Variants in ZNF93 observed in about 807,000 individuals in gnomAD.
ZNF93 encodes the protein zinc finger protein 505.
ZNF93 carries 29 observed loss-of-function variants against 45.0 expected under a neutral mutation model. The observed-to-expected ratio is 0.64, with a 90% CI of 0.48 to 0.88. The LOEUF (loss-of-function observed/expected upper bound fraction) is 0.88. Ranked by LOEUF, ZNF93 falls within the 40% of genes least tolerant of loss-of-function variation. The pLI, the probability that ZNF93 is intolerant of heterozygous loss-of-function variation, is 0.00. For missense variants in ZNF93, 578 were observed against 724.0 expected (o/e 0.80, Z 2.31); for synonymous variants, 223 against 244.6 (o/e 0.91, Z 0.82).
At chr19:19,920,650 A>G (rs1385695450) in intron 3 of ZNF93, among the ~76,000 whole-genome samples, 1 of 152,146 alleles carries the variant, frequency 6.6e-6, no homozygotes, top group Non-Finnish European at 1.5e-5. Flanking sequence ...CAGAGATTCA[A>G]GTTCTTCCTG....
At chr19:19,905,405 T>G (rs2063289670) in intron 1 of ZNF93, among the ~76,000 whole-genome samples, 1 of 152,222 alleles carries the variant, frequency 6.6e-6, no homozygotes, top group African/African-American at 2.4e-5. Flanking sequence ...TCTGTTGTTT[T>G]TCTCTTTGTG....
chr19:19,901,132 C>G, intron 1 of ZNF93, 41 bp downstream of exon 1: 1 of 1,613,038 alleles, frequency 6.2e-7, no homozygotes, highest in Non-Finnish European at 8.5e-7. Context: ...CGGGGAGGGG[C>G]TGGTTGGAAC....
chr19:19,905,707 C>T (rs1416071836), intron 1 of ZNF93, among the ~76,000 whole-genome samples: 2 of 152,118 alleles, frequency 1.3e-5, no homozygotes, highest in African/African-American at 4.8e-5. Context: ...TCTCTCCTAC[C>T]TCATCCTCCC....
chr19:19,910,067 T>C (rs8108528), intron 1 of ZNF93, among the ~76,000 whole-genome samples: 66,289 of 152,102 alleles, frequency 0.44, 19,394 homozygotes, highest in African/African-American at 0.82. Flanking sequence ...AACATGTGTG[T>C]GCTGAGTAGA....
chr19:19,933,099 G>A, intron 3 of ZNF93, 83 bp from the exon 4 acceptor site: 1 of 1,075,806 alleles, frequency 9.3e-7, no homozygotes, highest in Admixed American at 3.1e-5. Flanking sequence ...TATGTAGTTT[G>A]TATAATTTTA....
rs1332227867 is a variant in ZNF93 at position 19,915,420 on chromosome 19, T to G, written c.130+14T>G. The G allele has an allele frequency of 1.9e-6, 3 of 1,609,582 alleles. No individual in the cohort carries two copies. Among genetic ancestry groups the G allele is most frequent in the Non-Finnish European group, 2.5e-6 (3 of 1,178,556 alleles). On this transcript the variant is annotated intron_variant, in intron 2 of 3. Transcript: ENST00000343769. ...TGGTCTTCCTTGGTGAGGATAACTTTAATACATAATTCATAATACACCCTA... is the reference window on the plus strand; with the variant it reads ...TGGTCTTCCTTGGTGAGGATAACTTGAATACATAATTCATAATACACCCTA...
chr19:19,922,623 G>T (rs1599571075), intron 3 of ZNF93, among the ~76,000 whole-genome samples: 1 of 152,146 alleles, frequency 6.6e-6, no homozygotes, highest in African/African-American at 2.4e-5. Context: ...ATTTCTTGGA[G>T]GCTTTGTTCA....
intron 1 of ZNF93, among the ~76,000 whole-genome samples, chr19:19,910,865 C>G (rs2063305781): frequency 6.6e-6 from 1 of 152,044 alleles, no homozygotes. Context: ...AGAAAATGAA[C>G]AAAAGTCATT....
At chr19:19,913,218 T>A (rs914138547) in intron 1 of ZNF93, among the ~76,000 whole-genome samples, 1 of 152,208 alleles carries the variant, frequency 6.6e-6, no homozygotes, top group Non-Finnish European at 1.5e-5. Context: ...GCGGCCACAA[T>A]TATCAAGTGA....
At chr19:19,913,493 G>A (rs2063315331) in intron 1 of ZNF93, among the ~76,000 whole-genome samples, 1 of 152,072 alleles carries the variant, frequency 6.6e-6, no homozygotes, top group Non-Finnish European at 1.5e-5. Context: ...TGGTCACAGG[G>A]CCTATTCTAT....
intron 2 of ZNF93, 41 bp from the exon 3 acceptor site, chr19:19,916,519 A>G: frequency 6.5e-7 from 1 of 1,528,452 alleles, no homozygotes. Context: ...GTAATTGGAG[A>G]ATATGAGCAA....
At chr19:19,931,996 G>A (rs1387264531) in intron 3 of ZNF93, 1 of 383,688 alleles carries the variant, frequency 2.6e-6, no homozygotes, top group Non-Finnish European at 5.1e-6. Context: ...ATTTTATATG[G>A]TGTATCTACA....
intron 1 of ZNF93, among the ~76,000 whole-genome samples, chr19:19,903,037 C>A (rs916141222): frequency 6.6e-6 from 1 of 152,096 alleles, no homozygotes; most frequent in Admixed American, 6.5e-5. Context: ...CCGCGCCCGG[C>A]CTTTGGGAGG....
At chr19:19,903,060 A>T (rs1023133637) in intron 1 of ZNF93, among the ~76,000 whole-genome samples, 1 of 152,200 alleles carries the variant, frequency 6.6e-6, no homozygotes, top group Non-Finnish European at 1.5e-5. Context: ...CTTACTGACG[A>T]TGAAGTTGTT....
At chr19:19,902,703 C>T (rs1473278256) in intron 1 of ZNF93, among the ~76,000 whole-genome samples, 1 of 150,716 alleles carries the variant, frequency 6.6e-6, no homozygotes, top group African/African-American at 2.4e-5. Context: ...CAAGCAGATG[C>T]AGTTAAGGTT....
chr19:19,933,991 T>A lies in ZNF93; in HGVS notation c.1036T>A (p.Cys346Ser). Residue 346 changes from cysteine to serine, a missense_variant, in exon 4 of 4, where the codon TGT (cysteine) becomes AGT (serine). Coordinates refer to ENST00000343769, the MANE Select transcript of ZNF93 (RefSeq NM_031218.4). The part of the protein sequence containing the change: ...TGEKPYKCNK[C>S]GKAFIASSTL... ...AGAGAAACCATACAAGTGTAATAAA[T>A]GTGGCAAAGCCTTTATTGCATCCTC... 6.2e-7 allele frequency: 1 copy of A among 1,612,774 alleles called. No individual in the cohort carries two copies. Among genetic ancestry groups the A allele is most frequent in the East Asian group, 2.2e-5 (1 of 44,850 alleles).
chr19:19,916,588 C>T lies in ZNF93; in HGVS notation c.159C>T (p.Ile53=), dbSNP rs775871832. 6.2e-6 allele frequency: 10 copies of T among 1,611,900 alleles called. No homozygotes were observed. The highest frequency in any genetic ancestry group is 1.1e-5 in the South Asian group (1 of 90,834). Residue 53 remains isoleucine (I), a synonymous_variant, in exon 3 of 4, where the codon ATC becomes ATT. Coordinates refer to ENST00000343769, the MANE Select transcript of ZNF93 (RefSeq NM_031218.4). The stretch of plus-strand genomic sequence containing the variant: ...TTGTTGTCTCTAAGCCAGACCTGAT[C>T]GCCCATCTGGAGCAAGGAAAAAAAC... The part of the protein sequence containing the change: ...LGIVVSKPDL[I]AHLEQGKKPL...
intron 2 of ZNF93, 43 bp downstream of exon 2, chr19:19,915,449 G>T: frequency 6.4e-7 from 1 of 1,567,682 alleles, no homozygotes; most frequent in Non-Finnish European, 8.6e-7. Flanking sequence ...CACCCTAAAG[G>T]TTTTATTTCT....
At chr19:19,912,781 CACTT>C (rs1158650858) in intron 1 of ZNF93, among the ~76,000 whole-genome samples, 4 of 151,920 alleles carry the variant, frequency 2.6e-5, no homozygotes, top group African/African-American at 9.7e-5. Context: ...AATTAAGAAA[CACTT>C]AGTACCAGCT....
Sources: allele counts gnomAD v4.1 joint callset (sites outside exome capture counted in the v4.1 genomes callset), GRCh38; gene constraint gnomAD v4.1.1; transcripts MANE v1.5; gene names NCBI Gene and HGNC (gene_info 2026-07-23, HGNC 2026-07-21).